The following SNTG1 variants were observed in gnomAD, a reference collection of about 807,000 sequenced individuals.
SNTG1 encodes syntrophin gamma 1.
SNTG1 carries 39 observed loss-of-function variants against 74.7 expected under a neutral mutation model. That is an observed-to-expected ratio of 0.52 (90% CI 0.40 to 0.68). The LOEUF (loss-of-function observed/expected upper bound fraction) is 0.68. Ranked by LOEUF, SNTG1 falls within the 30% of genes least tolerant of loss-of-function variation. The pLI, the probability that SNTG1 is intolerant of heterozygous loss-of-function variation, is 0.00. For missense variants in SNTG1, 685 were observed against 609.5 expected (o/e 1.12, Z -1.30); for synonymous variants, 254 against 217.1 (o/e 1.17, Z -1.49).
intron 12 of SNTG1, among the ~76,000 whole-genome samples, chr8:50,579,668 C>A (rs1320197993): frequency 6.6e-6 from 1 of 152,156 alleles, no homozygotes; most frequent in East Asian, 1.9e-4. Context: ...AAAAAGGGGG[C>A]CAATGCGCAG....
intron 4 of SNTG1, among the ~76,000 whole-genome samples, chr8:50,420,647 T>C (rs1032285071): frequency 6.6e-6 from 1 of 151,976 alleles, no homozygotes; most frequent in Non-Finnish European, 1.5e-5. Flanking sequence ...TTTTTTAAAG[T>C]AAGGGTGATG....
chr8:50,128,010 A>G (rs2081201256), intron 1 of SNTG1, among the ~76,000 whole-genome samples: 1 of 151,614 alleles, frequency 6.6e-6, no homozygotes, highest in Non-Finnish European at 1.5e-5. Context: ...GAGAGAGTCT[A>G]AAAAATGTCT....
At chr8:50,201,375 C>A (rs942345796) in intron 2 of SNTG1, among the ~76,000 whole-genome samples, 1 of 152,098 alleles carries the variant, frequency 6.6e-6, no homozygotes, top group Non-Finnish European at 1.5e-5. Flanking sequence ...AAAGATAACA[C>A]AAAGAGTTTC....
chr8:50,619,618 C>G lies in SNTG1; in HGVS notation c.849+28701C>G, dbSNP rs1323318698. On this transcript the variant is annotated intron_variant, in intron 13 of 18. Transcript: ENST00000642720. ...TGGTGGCGGGCGCCTGTAGTCCCAG[C>G]TACTGAGGAGGCTGAAGCAGGAGAA... Among the ~76,000 whole-genome samples the G allele has an allele frequency of 2.0e-5, 3 of 151,578 alleles. No individual in the cohort carries two copies. The East Asian group carries it at 5.9e-4, about 30-fold the overall frequency.
chr8:50,338,723 TA>T (rs2091229790), intron 2 of SNTG1, among the ~76,000 whole-genome samples: 1 of 151,964 alleles, frequency 6.6e-6, no homozygotes, highest in Admixed American at 6.6e-5. Context: ...GGAAGCTATC[TA>T]AACTAAAAAT....
chr8:50,665,127 T>C (rs2095244414), intron 15 of SNTG1, among the ~76,000 whole-genome samples: 1 of 152,282 alleles, frequency 6.6e-6, no homozygotes, highest in African/African-American at 2.4e-5. Context: ...ACAGTCACAC[T>C]GATATTCATC....
intron 2 of SNTG1, among the ~76,000 whole-genome samples, chr8:50,281,988 C>T (rs1257938982): frequency 6.6e-6 from 1 of 152,304 alleles, no homozygotes; most frequent in East Asian, 1.9e-4. Context: ...CCATCTTGGA[C>T]AAGCACTGCC....
intron 16 of SNTG1, 46 bp from the exon 17 acceptor site, chr8:50,708,840 T>C (rs751148792): frequency 8.2e-7 from 1 of 1,224,522 alleles, no homozygotes; most frequent in South Asian, 1.2e-5. Context: ...AATATTGATA[T>C]TGCATCAATA....
At chr8:50,748,508 G>C (rs573893905) in intron 17 of SNTG1, among the ~76,000 whole-genome samples, 1 of 152,054 alleles carries the variant, frequency 6.6e-6, no homozygotes, top group South Asian at 2.1e-4. Flanking sequence ...TGAATGTATT[G>C]ACATAAGTGC....
At chr8:50,440,707 A>G (rs1647166530) in intron 5 of SNTG1, among the ~76,000 whole-genome samples, 1 of 152,148 alleles carries the variant, frequency 6.6e-6, no homozygotes, top group South Asian at 2.1e-4. Flanking sequence ...AGCGGCACAC[A>G]CCGGAAAGAC....
At chr8:50,119,137 T>G in intron 1 of SNTG1, among the ~76,000 whole-genome samples, 1 of 141,636 alleles carries the variant, frequency 7.1e-6, no homozygotes, top group East Asian at 2.0e-4. Context: ...TAACTATTTC[T>G]GATTTTCTTT....
chr8:50,592,615 C>T (rs2094699112), intron 13 of SNTG1, among the ~76,000 whole-genome samples: 2 of 152,002 alleles, frequency 1.3e-5, no homozygotes, highest in Admixed American at 6.5e-5. Context: ...CTTTAATATT[C>T]TAACACTATA....
At chr8:50,123,076 C>G (rs2081046720) in intron 1 of SNTG1, among the ~76,000 whole-genome samples, 1 of 142,106 alleles carries the variant, frequency 7.0e-6, no homozygotes, top group Admixed American at 7.2e-5. Flanking sequence ...GAGTAGGTCA[C>G]CAGAGTACAA....
chr8:50,728,507 G>GA (rs2095505446), intron 17 of SNTG1, among the ~76,000 whole-genome samples: 1 of 152,162 alleles, frequency 6.6e-6, no homozygotes, highest in South Asian at 2.1e-4. Context: ...TCTTTGGGGT[G>GA]AAAAGAGCCC....
rs547661432 is a variant in SNTG1, at chr8:50,778,403, T to C, written c.1396-14268T>C. The stretch of plus-strand genomic sequence containing the variant: ...TTTTAATGATTGCCATTCTAACTGG[T>C]GTGAGATGGTATCTCATTGTGGTTT... On this transcript the variant is annotated intron_variant, in intron 18 of 18. Transcript: ENST00000642720. Among the ~76,000 whole-genome samples the C allele has an allele frequency of 2.3e-3, 347 of 152,192 alleles. 2 individuals are homozygous for C. The highest frequency in any genetic ancestry group is 4.3e-3 in the Non-Finnish European group (294 of 67,996).
chr8:50,148,644 T>A (rs190272915), intron 1 of SNTG1, among the ~76,000 whole-genome samples: 42 of 152,278 alleles, frequency 2.8e-4, no homozygotes, highest in Admixed American at 1.4e-3. Context: ...AGTGAGAACA[T>A]GCGGTGTTTG....
At chr8:50,014,591 G>A (rs1226386479) in intron 1 of SNTG1, among the ~76,000 whole-genome samples, 1 of 152,182 alleles carries the variant, frequency 6.6e-6, no homozygotes, top group Non-Finnish European at 1.5e-5. Context: ...TAAGCAGGAA[G>A]TGAAGGCTAG....
At chr8:50,403,150 T>A (rs2092827867) in intron 4 of SNTG1, among the ~76,000 whole-genome samples, 1 of 152,232 alleles carries the variant, frequency 6.6e-6, no homozygotes, top group Non-Finnish European at 1.5e-5. Flanking sequence ...CAGTAGCATG[T>A]AGTCTGCTCC....
rs566345159 is a variant in SNTG1, at chr8:50,198,628, G to A, written c.-28+25993G>A. Reference sequence around the variant, plus strand: ...AACATCAGCAGCAAAGTACAGTAAAGCATCCATTTCTTTTTTAAAATGTCA... The same window carrying A: ...AACATCAGCAGCAAAGTACAGTAAAACATCCATTTCTTTTTTAAAATGTCA... On this transcript the variant is annotated intron_variant, in intron 2 of 18. Transcript: ENST00000642720. 7.9e-5 allele frequency among the ~76,000 whole-genome samples: 12 copies of A among 152,270 alleles called. No homozygotes were observed. In the South Asian group the frequency reaches 2.3e-3, roughly 29 times the overall value.
Sources: gnomAD v4.1 joint callset for allele counts (sites outside exome capture counted in the v4.1 genomes callset) on GRCh38, gnomAD v4.1.1 for gene constraint, MANE v1.5 for transcripts, NCBI Gene and HGNC (gene_info 2026-07-23, HGNC 2026-07-21) for gene names.